SLC39A8: variants seen among roughly 807,000 people sequenced by gnomAD.
SLC39A8 encodes the protein solute carrier family 39 member 8.
Under a neutral mutation model 40.4 loss-of-function variants are expected in SLC39A8, and 15 were observed. The ratio of observed to expected loss-of-function variants is 0.37; its 90% CI spans 0.25 to 0.57. The LOEUF (loss-of-function observed/expected upper bound fraction) is 0.57, where lower values mean the gene tolerates loss of function less well. SLC39A8 is among the 20% of genes least tolerant of loss of function. The pLI, the probability that SLC39A8 is intolerant of heterozygous loss-of-function variation, is 0.75. For missense variants in SLC39A8, 472 were observed against 558.8 expected (o/e 0.84, Z 1.57); for synonymous variants, 223 against 221.6 (o/e 1.01, Z -0.06).
chr4:102,315,782 T>A lies in SLC39A8; in HGVS notation c.268A>T (p.Thr90Ser). Reference protein sequence around the residue: ...IFSLHGFSNATQITSSKFSVI... With the variant: ...IFSLHGFSNASQITSSKFSVI... ...GAGAATTTGGAGCTGGTTATTTGGG[T>A]AGCATTTGAAAAGCCATGAAGGGAA... is the stretch of plus-strand genomic sequence containing the variant. The change falls in exon 3 of 9, where the codon ACC (threonine) becomes TCC (serine). Residue 90 changes from threonine (T) to serine (S), a missense_variant. Physicochemically the swap from Thr to Ser is moderately conservative, Grantham distance 58 (BLOSUM62 1). Coordinates refer to ENST00000356736, the MANE Select transcript of SLC39A8 (RefSeq NM_001135146.2). 6.2e-7 allele frequency: 1 copy of A among 1,613,156 alleles called. No homozygotes were observed. Among genetic ancestry groups the A allele is most frequent in the African/African-American group, 1.3e-5 (1 of 74,958 alleles).
chr4:102,292,466 T>C (rs1733488569), intron 6 of SLC39A8, among the ~76,000 whole-genome samples: 1 of 152,102 alleles, frequency 6.6e-6, no homozygotes, highest in Non-Finnish European at 1.5e-5. Context: ...AGCCCTCATA[T>C]ATATCACTCT....
chr4:102,312,775 C>T (rs889514041), intron 3 of SLC39A8, among the ~76,000 whole-genome samples: 1 of 151,944 alleles, frequency 6.6e-6, no homozygotes. Flanking sequence ...TTACAGCAAG[C>T]CCATAAGAAA....
At chr4:102,336,135 T>C (rs1365486488) in intron 2 of SLC39A8, among the ~76,000 whole-genome samples, 1 of 152,216 alleles carries the variant, frequency 6.6e-6, no homozygotes, top group African/African-American at 2.4e-5. Context: ...TATATCTTTA[T>C]TGAGTTGGCA....
intron 6 of SLC39A8, among the ~76,000 whole-genome samples, chr4:102,272,675 G>A (rs1732423343): frequency 6.6e-6 from 1 of 152,170 alleles, no homozygotes; most frequent in Admixed American, 6.5e-5. Flanking sequence ...AGATGGCCAA[G>A]TAGGAACAGC....
chr4:102,312,270 T>TC (rs1368071352), intron 3 of SLC39A8, among the ~76,000 whole-genome samples: 1 of 151,860 alleles, frequency 6.6e-6, no homozygotes. Context: ...CCATATCTTC[T>TC]CCCCCCGATC....
rs758285275 is a variant in SLC39A8 at position 102,267,638 on chromosome 4, G to C, written c.1085C>G (p.Thr362Ser). ...GAAGTTGAATAGCAAGGCTTGTCGA[G>C]TGCTCATCCCTGCATTGAGTAGGAT... Reference protein sequence around the residue: ...FVILLNAGMSTRQALLFNFLS... With the variant: ...FVILLNAGMSSRQALLFNFLS... Residue 362 changes from threonine (T) to serine (S), a missense_variant, in exon 8 of 9, where the codon ACT (threonine) becomes AGT (serine). Transcript: ENST00000356736. The C allele has an allele frequency of 6.2e-7, 1 of 1,612,632 alleles. No individual in the cohort carries two copies. Among genetic ancestry groups the C allele is most frequent in the Non-Finnish European group, 8.5e-7 (1 of 1,179,582 alleles).
rs555430026 is a variant in SLC39A8, at chr4:102,331,748, C to T, written c.219+12696G>A. 6.6e-5 allele frequency among the ~76,000 whole-genome samples: 10 copies of T among 152,240 alleles called. No homozygotes were observed. In the East Asian group the frequency reaches 1.9e-3, roughly 29 times the overall value. The stretch of plus-strand genomic sequence containing the variant: ...AAAGAACAAAGCTGGAGGCATCACG[C>T]TACCTGACTTCAAACTATAGTACAA... On this transcript the variant is annotated intron_variant, in intron 2 of 8. Coordinates refer to ENST00000356736, the MANE Select transcript of SLC39A8 (RefSeq NM_001135146.2).
exon 12 of SLC39A8, chr4:102,251,429 TCAA>T (rs1731583430): frequency 6.6e-6 from 1 of 152,084 alleles, no homozygotes. Context: ...GCCTGGGAAA[TCAA>T]AGATTTCCCA....
intron 6 of SLC39A8, among the ~76,000 whole-genome samples, chr4:102,271,704 C>T (rs1301171527): frequency 1.3e-5 from 2 of 152,286 alleles, no homozygotes; most frequent in African/African-American, 4.8e-5. Context: ...ATATGTCTTC[C>T]CTGCCTTCAG....
At chr4:102,289,173 T>C (rs1733312727) in intron 6 of SLC39A8, among the ~76,000 whole-genome samples, 2 of 152,114 alleles carry the variant, frequency 1.3e-5, no homozygotes, top group African/African-American at 4.8e-5. Context: ...TTAATAATTG[T>C]GCTAAATTTA....
chr4:102,283,407 T>C (rs1372239205), intron 6 of SLC39A8, among the ~76,000 whole-genome samples: 2 of 152,204 alleles, frequency 1.3e-5, no homozygotes, highest in Non-Finnish European at 2.9e-5. Flanking sequence ...CTTGTTGCTA[T>C]AAGGTAAGAA....
intron 2 of SLC39A8, among the ~76,000 whole-genome samples, chr4:102,327,151 A>T (rs1735240848): frequency 6.6e-6 from 1 of 152,056 alleles, no homozygotes; most frequent in Non-Finnish European, 1.5e-5. Flanking sequence ...AGTCCCAGTT[A>T]CTCAGAAGGA....
intron 6 of SLC39A8, among the ~76,000 whole-genome samples, chr4:102,279,832 AC>A (rs1732792450): frequency 1.3e-5 from 2 of 152,132 alleles, no homozygotes; most frequent in Non-Finnish European, 2.9e-5. Context: ...TTTTGTGCAT[AC>A]CCTGTGTTAG....
intron 6 of SLC39A8, among the ~76,000 whole-genome samples, chr4:102,286,293 G>A (rs1256932219): frequency 6.6e-6 from 1 of 152,042 alleles, no homozygotes; most frequent in Non-Finnish European, 1.5e-5. Flanking sequence ...AAATGTATTG[G>A]CATTCATTAT....
intron 2 of SLC39A8, among the ~76,000 whole-genome samples, chr4:102,316,355 T>C (rs982146777): frequency 6.6e-6 from 1 of 152,168 alleles, no homozygotes; most frequent in Non-Finnish European, 1.5e-5. Context: ...AAAATATGTC[T>C]TTTGCACAAA....
intron 2 of SLC39A8, among the ~76,000 whole-genome samples, chr4:102,319,570 A>G (rs1734814510): frequency 6.6e-6 from 1 of 151,942 alleles, no homozygotes; most frequent in African/African-American, 2.4e-5. Flanking sequence ...GTTTAACCAA[A>G]ATCCCCCCTA....
At chr4:102,271,270 G>A (rs1732353266) in intron 6 of SLC39A8, among the ~76,000 whole-genome samples, 1 of 152,102 alleles carries the variant, frequency 6.6e-6, no homozygotes, top group Admixed American at 6.5e-5. Flanking sequence ...AGAATATATG[G>A]AAGAGTCTCT....
intron 2 of SLC39A8, among the ~76,000 whole-genome samples, chr4:102,338,347 C>T (rs1021333378): frequency 1.2e-4 from 19 of 152,072 alleles, no homozygotes; most frequent in Middle Eastern, 3.4e-3. Context: ...CCACTACTCC[C>T]GGCTAATTTT....
chr4:102,305,043 G>A lies in SLC39A8; in HGVS notation c.621C>T (p.Tyr207=). The A allele has an allele frequency of 6.2e-7, 1 of 1,609,758 alleles. No individual in the cohort carries two copies. The highest frequency in any genetic ancestry group is 1.1e-5 in the South Asian group (1 of 90,768). ...EKAVAVFGGF[Y]LLFFFERMLK... Reference sequence around the variant, plus strand: ...GCATTCTTTCAAAAAAGAAAAGTAGGTAAAATCCACCAAACACAGCAACTG... The same window carrying A: ...GCATTCTTTCAAAAAAGAAAAGTAGATAAAATCCACCAAACACAGCAACTG... Residue 207 remains tyrosine, a synonymous_variant, in exon 5 of 9, where the codon TAC becomes TAT. Coordinates refer to ENST00000356736, the MANE Select transcript of SLC39A8 (RefSeq NM_001135146.2).
Sources: gnomAD v4.1 joint callset for allele counts (sites outside exome capture counted in the v4.1 genomes callset) on GRCh38, gnomAD v4.1.1 for gene constraint, MANE v1.5 for transcripts, NCBI Gene and HGNC (gene_info 2026-07-23, HGNC 2026-07-21) for gene names.